Variants in PRUNE2 observed in about 807,000 individuals in gnomAD.
PRUNE2 encodes the protein protein prune homolog 2.
PRUNE2 carries 164 observed loss-of-function variants against 252.0 expected under a neutral mutation model. The ratio of observed to expected loss-of-function variants is 0.65; its 90% CI spans 0.57 to 0.74. The LOEUF is 0.74. Ranked by LOEUF, PRUNE2 falls within the 30% of genes least tolerant of loss-of-function variation. PRUNE2 has a pLI of 0.00. For synonymous variants in PRUNE2, 1,292 were observed against 1,350.2 expected, an observed-to-expected ratio of 0.96 and a Z score of 0.94; for missense variants, 3,495 against 3,711.0, an observed-to-expected ratio of 0.94 and a Z score of 1.51.
At chr9:76,664,780 T>C (rs1269166288) in intron 9 of PRUNE2, among the ~76,000 whole-genome samples, 1 of 152,216 alleles carries the variant, frequency 6.6e-6, no homozygotes, top group African/African-American at 2.4e-5. Flanking sequence ...CCCAAAGTGC[T>C]GGGATTACAG....
At chr9:76,857,027 T>A (rs2060288204) in intron 1 of PRUNE2, 3 of 455,544 alleles carry the variant, frequency 6.6e-6, no homozygotes, top group South Asian at 4.7e-5. Context: ...GTACTGGGAT[T>A]ACAGGCGTGA....
chr9:76,886,187 T>TG (rs2062087166), intron 1 of PRUNE2, among the ~76,000 whole-genome samples: 1 of 142,002 alleles, frequency 7.0e-6, no homozygotes, highest in African/African-American at 2.6e-5. Context: ...TCCGTCTAAA[T>TG]TAAAAAAAAA....
In PRUNE2 at chr9:76,717,212, G is replaced by T. The variant is rs555002732; in HGVS notation, c.757-3491C>A. Among the ~76,000 whole-genome samples the T allele has an allele frequency of 3.3e-5, 5 of 152,312 alleles. No individual in the cohort carries two copies. The East Asian group carries it at 9.6e-4, about 29-fold the overall frequency. On this transcript the variant is annotated intron_variant, in intron 6 of 18. Transcript: ENST00000376718. ...TCTCCAAGCCAGATTCGATCTTACT[G>T]GCCTTGGGATAATGTCAAGAGTTTC...
At chr9:76,655,138 G>A (rs564142997) in intron 10 of PRUNE2, among the ~76,000 whole-genome samples, 2 of 152,004 alleles carry the variant, frequency 1.3e-5, no homozygotes, top group African/African-American at 4.8e-5. Flanking sequence ...TCAGAATTTG[G>A]TACAATATAC....
chr9:76,774,457 T>TATTTATTTATTTATTTATTTA (rs756648285), intron 6 of PRUNE2, among the ~76,000 whole-genome samples: 9,008 of 73,248 alleles, frequency 0.12, 529 homozygotes, highest in East Asian at 0.3. Flanking sequence ...ACCCTTTTTT[T>TATTTATTTATTTATTTATTTA]TTTTTTTTTT....
At position 76,870,276 on chromosome 9, in the gene PRUNE2, CTT is replaced by C. The variant is rs35189740; in HGVS notation, c.37-16070_37-16069del. On this transcript the variant is annotated intron_variant, in intron 1 of 18. Transcript: ENST00000376718. ...AAAAGAAGAGAGCAAGACTCCCTAACTTTTTTTTTTTTTGCAACAAGGAGTAA... is the reference window on the plus strand; with the variant it reads ...AAAAGAAGAGAGCAAGACTCCCTAACTTTTTTTTTTTGCAACAAGGAGTAA... 8.3e-3 allele frequency among the ~76,000 whole-genome samples: 1,206 copies of C among 144,900 alleles called. 17 individuals carry two copies. The highest frequency in any genetic ancestry group is 0.028 in the African/African-American group (1,126 of 39,916).
At chr9:76,723,683 T>C (rs1470473770) in intron 6 of PRUNE2, among the ~76,000 whole-genome samples, 7 of 152,202 alleles carry the variant, frequency 4.6e-5, no homozygotes, top group Non-Finnish European at 7.3e-5. Context: ...CAAAAGCTCT[T>C]GTGATGCCCT....
intron 6 of PRUNE2, among the ~76,000 whole-genome samples, chr9:76,751,931 G>C (rs942655762): frequency 3.3e-5 from 5 of 152,102 alleles, no homozygotes; most frequent in African/African-American, 1.2e-4. Context: ...CATCATTTAG[G>C]AGCATCCACT....
intron 1 of PRUNE2, among the ~76,000 whole-genome samples, chr9:76,865,847 A>ACACACC (rs1336460062): frequency 0.017 from 2,522 of 145,438 alleles, 69 homozygotes; most frequent in African/African-American, 0.064. Context: ...ACACACACAC[A>ACACACC]CCAGAGCATT....
Position 76,705,344 on chromosome 9 carries a change from G to T in PRUNE2, c.6930C>A (p.Asn2310Lys). 3 of 1,614,038 alleles carry T rather than the reference G, an allele frequency of 1.9e-6. No homozygotes were observed. The highest frequency in any genetic ancestry group is 2.5e-6 in the Non-Finnish European group (3 of 1,179,888). ...TGTCATCTATTGTTCCCGTGGATGT[G>T]TTGAGACCTGAGGCATCGCTGAAAC... ...DHSFSDASGL[N>K]TSTGTIDDMS... Residue 2310 changes from asparagine (N) to lysine (K), a missense_variant, in exon 8 of 19, where the codon AAC becomes AAA. Coordinates refer to ENST00000376718, the MANE Select transcript of PRUNE2 (RefSeq NM_015225.3).
At chr9:76,736,446 AG>A (rs2049081206) in intron 6 of PRUNE2, 1 of 152,246 alleles carries the variant, frequency 6.6e-6, no homozygotes, top group Admixed American at 6.5e-5. Context: ...GGTTGCAGTA[AG>A]CAAATAACAC....
chr9:76,762,978 A>G (rs753072334), intron 6 of PRUNE2, among the ~76,000 whole-genome samples: 5 of 152,244 alleles, frequency 3.3e-5, no homozygotes, highest in South Asian at 4.1e-4. Flanking sequence ...TTTGGCTCCA[A>G]CCTCATTGAA....
intron 6 of PRUNE2, among the ~76,000 whole-genome samples, chr9:76,812,078 C>T (rs1176278399): frequency 2.0e-5 from 3 of 152,118 alleles, no homozygotes; most frequent in African/African-American, 4.8e-5. Flanking sequence ...TCAGAACTCA[C>T]GGGTATAGTC....
At chr9:76,829,158 T>C in intron 4 of PRUNE2, among the ~76,000 whole-genome samples, 1 of 152,062 alleles carries the variant, frequency 6.6e-6, no homozygotes, top group East Asian at 1.9e-4. Flanking sequence ...TTTTTAAAAA[T>C]CTGTGAAAGT....
In PRUNE2 at chr9:76,735,416, CTTCT is replaced by C. The variant is rs1309090174; in HGVS notation, c.757-21699_757-21696del. On this transcript the variant is annotated intron_variant, in intron 6 of 18. Transcript: ENST00000376718. Reference sequence around the variant, plus strand: ...TTTATTGAGGAAGATAGTTTTCTTTCTTCTTTTTTTTTTTTTTTTTTTATGCCAG... The same window carrying C: ...TTTATTGAGGAAGATAGTTTTCTTTCTTTTTTTTTTTTTTTTTTATGCCAG... Among the ~76,000 whole-genome samples the C allele has an allele frequency of 6.5e-3, 741 of 114,244 alleles. 3 individuals carry two copies. Among genetic ancestry groups the C allele is most frequent in the African/African-American group, 0.027 (711 of 26,084 alleles). The allele number at this position is 114,244 out of a possible 152,430, so 74.9% of individuals were successfully genotyped here.
At position 76,706,428 on chromosome 9, in the gene PRUNE2, A is replaced by G; in HGVS notation, c.5846T>C (p.Leu1949Pro). Residue 1949 changes from leucine (L) to proline (P), a missense_variant, in exon 8 of 19, where the codon CTG becomes CCG. By Grantham distance (98) the Leu-to-Pro change is moderately conservative. Transcript: ENST00000376718. ...CTCTTGGGTAGGTGTTTCAGGAGTCAGCTCATCACCAGCAGCAGACACAAA... is the reference window on the plus strand; with the variant it reads ...CTCTTGGGTAGGTGTTTCAGGAGTCGGCTCATCACCAGCAGCAGACACAAA... ...QTFVSAAGDE[L>P]TPETPTQEQC... 6.2e-7 allele frequency: 1 copy of G among 1,614,010 alleles called. No homozygotes were observed. Among genetic ancestry groups the G allele is most frequent in the Non-Finnish European group, 8.5e-7 (1 of 1,179,876 alleles).
At position 76,713,803 on chromosome 9, in the gene PRUNE2, T is replaced by C. The variant is rs12115723; in HGVS notation, c.757-82A>G. 3,134 of 981,360 alleles carry C rather than the reference T, an allele frequency of 3.2e-3. 64 individuals carry two copies. The African/African-American group carries it at 0.044, about 14-fold the overall frequency. 60.8% of individuals were successfully genotyped at this position (981,360 alleles called of 1,614,324 possible). ...TGTTCCACAAATTTGTCCAGTCTTA[T>C]GATGTATTTAGGAGAGATATTTATT... On this transcript the variant is annotated intron_variant, in intron 6 of 18. Coordinates refer to ENST00000376718, the MANE Select transcript of PRUNE2 (RefSeq NM_015225.3).
intron 6 of PRUNE2, among the ~76,000 whole-genome samples, chr9:76,808,336 T>C (rs1475519302): frequency 1.3e-5 from 2 of 152,210 alleles, no homozygotes; most frequent in Admixed American, 6.5e-5. Flanking sequence ...AAGAGGCTCA[T>C]TTTCTGTAAC....
Position 76,735,640 on chromosome 9 carries a change from G to C in PRUNE2, c.757-21919C>G, listed in dbSNP as rs983160418. Among the ~76,000 whole-genome samples the C allele has an allele frequency of 2.0e-5, 3 of 151,960 alleles. No homozygotes were observed. The East Asian group carries it at 5.8e-4, about 29-fold the overall frequency. On this transcript the variant is annotated intron_variant, in intron 6 of 18. Coordinates refer to ENST00000376718, the MANE Select transcript of PRUNE2 (RefSeq NM_015225.3). Reference sequence around the variant, plus strand: ...CCTAAGAAGCTTCCATCAAACAAAGGTTGATATTATCATATGCAAAGAATC... The same window carrying C: ...CCTAAGAAGCTTCCATCAAACAAAGCTTGATATTATCATATGCAAAGAATC...
Sources: gnomAD v4.1 joint callset for allele counts (sites outside exome capture counted in the v4.1 genomes callset) on GRCh38, gnomAD v4.1.1 for gene constraint, MANE v1.5 for transcripts, NCBI Gene and HGNC (gene_info 2026-07-23, HGNC 2026-07-21) for gene names.